The following AGTPBP1 variants were observed in gnomAD, a reference collection of about 807,000 sequenced individuals.
The protein encoded by AGTPBP1 is cytosolic carboxypeptidase 1.
AGTPBP1 carries 70 observed loss-of-function variants against 143.9 expected under a neutral mutation model. The observed-to-expected ratio is 0.49, with a 90% CI of 0.40 to 0.59. The LOEUF (loss-of-function observed/expected upper bound fraction) is 0.59. Ranked by LOEUF, AGTPBP1 falls within the 20% of genes least tolerant of loss-of-function variation. AGTPBP1 has a pLI of 0.00. For synonymous variants in AGTPBP1, 463 were observed against 500.2 expected (o/e 0.93, Z 0.99); for missense variants, 1,229 against 1,464.5 (o/e 0.84, Z 2.62).
intron 25 of AGTPBP1, among the ~76,000 whole-genome samples, chr9:85,568,992 A>G (rs1162470857): frequency 1.3e-5 from 2 of 152,210 alleles, no homozygotes; most frequent in African/African-American, 2.4e-5. Context: ...TTGTCAACAT[A>G]CAGATAGAAT....
chr9:85,603,548 A>G (rs894323453), intron 17 of AGTPBP1, among the ~76,000 whole-genome samples: 1 of 152,208 alleles, frequency 6.6e-6, no homozygotes, highest in Non-Finnish European at 1.5e-5. Context: ...TGGGTGAGAC[A>G]TAGAGCCATG....
intron 1 of AGTPBP1, among the ~76,000 whole-genome samples, chr9:85,718,167 G>A (rs957996722): frequency 4.6e-5 from 7 of 152,172 alleles, no homozygotes; most frequent in African/African-American, 1.7e-4. Flanking sequence ...ATAGCAGCAT[G>A]ATTTATACTC....
intron 1 of AGTPBP1, among the ~76,000 whole-genome samples, chr9:85,714,210 T>C (rs1837557070): frequency 6.6e-6 from 1 of 152,250 alleles, no homozygotes; most frequent in African/African-American, 2.4e-5. Flanking sequence ...GAAATAAAGT[T>C]GGTTCCTCTC....
chr9:85,767,348 A>ATTT, the AGTPBP1 span, among the ~76,000 whole-genome samples: 3 of 105,124 alleles, frequency 2.9e-5, no homozygotes, highest in Non-Finnish European at 4.1e-5. Context: ...TGCCCAGCTA[A>ATTT]TTTTTTTTTT....
intron 12 of AGTPBP1, among the ~76,000 whole-genome samples, chr9:85,643,492 C>T (rs567884014): frequency 6.6e-6 from 1 of 152,246 alleles, no homozygotes; most frequent in African/African-American, 2.4e-5. Context: ...ACCACACTGT[C>T]AGCCAGCATC....
At chr9:85,583,010 T>C (rs1828371790) in intron 23 of AGTPBP1, among the ~76,000 whole-genome samples, 1 of 151,854 alleles carries the variant, frequency 6.6e-6, no homozygotes, top group African/African-American at 2.4e-5. Context: ...AGGGCTCTCA[T>C]AAGGGAAAGG....
At chr9:85,581,507 T>A (rs1488762676) in intron 23 of AGTPBP1, among the ~76,000 whole-genome samples, 1 of 152,228 alleles carries the variant, frequency 6.6e-6, no homozygotes, top group Non-Finnish European at 1.5e-5. Flanking sequence ...AATTGTTAGA[T>A]GTTGGTCTAT....
chr9:85,785,277 T>G, the AGTPBP1 span, among the ~76,000 whole-genome samples: 2 of 150,260 alleles, frequency 1.3e-5, no homozygotes, highest in African/African-American at 2.5e-5. Context: ...GAGCTTGCAG[T>G]AAGCCGAGAT....
intron 7 of AGTPBP1, among the ~76,000 whole-genome samples, chr9:85,669,812 C>T (rs189553187): frequency 0.018 from 2,511 of 141,026 alleles, 37 homozygotes; most frequent in Middle Eastern, 0.04. Context: ...AAAAAAAAAA[C>T]CACTATTATA....
In AGTPBP1 at chr9:85,632,677, G is replaced by A; in HGVS notation, c.2000C>T (p.Pro667Leu). 1.9e-6 allele frequency: 3 copies of A among 1,608,040 alleles called. No individual in the cohort carries two copies. Among genetic ancestry groups the A allele is most frequent in the Non-Finnish European group, 2.5e-6 (3 of 1,177,048 alleles). ...PPFKEPILER[P>L]YGVQRTKIAQ... ...TGCAACTCACCTTTGTACACCATAA[G>A]GCCTTTCTAAAATAGGCTCTTTGAA... The change falls in exon 14 of 26, where the codon CCT becomes CTT. Residue 667 changes from proline to leucine, a missense_variant. By Grantham distance (98) the Pro-to-Leu change is moderately conservative. Transcript: ENST00000357081.
intron 1 of AGTPBP1, chr9:85,741,364 G>T (rs113876109): frequency 3.4e-4 from 332 of 985,234 alleles, no homozygotes; most frequent in Non-Finnish European, 3.7e-4. Flanking sequence ...GGGAGAGCGG[G>T]GCTGGGCGCG....
At chr9:85,707,699 T>C (rs1025816362) in intron 2 of AGTPBP1, among the ~76,000 whole-genome samples, 6 of 152,240 alleles carry the variant, frequency 3.9e-5, no homozygotes, top group African/African-American at 1.4e-4. Flanking sequence ...CTACTGCTGC[T>C]GTAACCAATT....
chr9:85,761,035 A>G, the AGTPBP1 span, among the ~76,000 whole-genome samples: 2 of 151,830 alleles, frequency 1.3e-5, no homozygotes, highest in Non-Finnish European at 2.9e-5. Flanking sequence ...CAAAGAGAAT[A>G]AAATACCATA....
intron 14 of AGTPBP1, among the ~76,000 whole-genome samples, chr9:85,631,445 G>A (rs1564082903): frequency 6.6e-6 from 1 of 152,180 alleles, no homozygotes; most frequent in African/African-American, 2.4e-5. Context: ...AGCACTCCAC[G>A]AGGCCAGCTG....
chr9:85,588,278 A>G lies in AGTPBP1; in HGVS notation c.2903+20T>C. The G allele has an allele frequency of 2.5e-6, 4 of 1,575,706 alleles. No homozygotes were observed. Among genetic ancestry groups the G allele is most frequent in the Non-Finnish European group, 3.5e-6 (4 of 1,158,132 alleles). On this transcript the variant is annotated intron_variant, in intron 21 of 25. Coordinates refer to ENST00000357081, the MANE Select transcript of AGTPBP1 (RefSeq NM_001330701.2). Reference sequence around the variant, plus strand: ...ACCACAATGGTCTTGAATATATTCTACAACTATTGCTTAACTTACTTTCCA... The same window carrying G: ...ACCACAATGGTCTTGAATATATTCTGCAACTATTGCTTAACTTACTTTCCA...
At chr9:85,759,792 A>T in the AGTPBP1 span, among the ~76,000 whole-genome samples, 1 of 152,350 alleles carries the variant, frequency 6.6e-6, no homozygotes, top group Admixed American at 6.5e-5. Flanking sequence ...TGAAGGAGAT[A>T]GAGACACAGA....
At chr9:85,659,612 A>G (rs1833733014) in intron 9 of AGTPBP1, among the ~76,000 whole-genome samples, 1 of 152,122 alleles carries the variant, frequency 6.6e-6, no homozygotes, top group South Asian at 2.1e-4. Context: ...GAAAATATTA[A>G]ATTACAGTAA....
chr9:85,602,169 G>T (rs1255496944), intron 17 of AGTPBP1, among the ~76,000 whole-genome samples: 2 of 152,036 alleles, frequency 1.3e-5, no homozygotes, highest in African/African-American at 4.8e-5. Flanking sequence ...TACATGAAAT[G>T]CTGGAAAAGT....
chr9:85,716,820 G>A (rs956128612), intron 1 of AGTPBP1, among the ~76,000 whole-genome samples: 4 of 152,126 alleles, frequency 2.6e-5, no homozygotes, highest in Admixed American at 2.6e-4. Context: ...GCCCTGTGCG[G>A]CTGCCAATTT....
Sources: gnomAD v4.1 joint callset for allele counts (sites outside exome capture counted in the v4.1 genomes callset) on GRCh38, gnomAD v4.1.1 for gene constraint, MANE v1.5 for transcripts, NCBI Gene and HGNC (gene_info 2026-07-23, HGNC 2026-07-21) for gene names.